LRRC3C: variants seen among roughly 807,000 people sequenced by gnomAD.
LRRC3C encodes leucine rich repeat containing 3C, also known as leucine-rich repeat-containing protein 3C.
A neutral mutation model predicts 14.8 loss-of-function variants in LRRC3C; 11 were observed. The ratio of observed to expected loss-of-function variants is 0.74; its 90% CI spans 0.47 to 1.23. LRRC3C has a LOEUF of 1.23. LRRC3C is among the 50% of genes most tolerant of loss of function. The pLI is 0.00. For synonymous variants in LRRC3C, 149 were observed against 161.5 expected (o/e 0.92, Z 0.59); for missense variants, 354 against 361.8 (o/e 0.98, Z 0.18).
At chr17:39,943,513 C>G (rs751207863) in intron 3 of LRRC3C, among the ~76,000 whole-genome samples, 2 of 152,164 alleles carry the variant, frequency 1.3e-5, no homozygotes, top group Admixed American at 1.3e-4. Flanking sequence ...CTCCATCACG[C>G]GAGTGCCAAC....
At chr17:39,936,615 C>A (rs1978803312) in intron 2 of LRRC3C, among the ~76,000 whole-genome samples, 1 of 141,808 alleles carries the variant, frequency 7.1e-6, no homozygotes, top group Non-Finnish European at 1.5e-5. Flanking sequence ...CCAGCCTGCT[C>A]AATATGACCA....
At position 39,933,080 on chromosome 17, in the gene LRRC3C, GAAGA is replaced by G. The variant is rs1267986417; in HGVS notation, c.-174-2717_-174-2714del. Reference sequence around the variant, plus strand: ...AAAATAAAGAAAGGAAGGAAGGAAGGAAGAAAGACAACAACAAAAAAACCTTGAA... The same window carrying G: ...AAAATAAAGAAAGGAAGGAAGGAAGGAAGACAACAACAAAAAAACCTTGAA... On this transcript the variant is annotated intron_variant, in intron 1 of 3. Coordinates refer to ENST00000377924, the MANE Select transcript of LRRC3C (RefSeq NM_001195545.2). Among the ~76,000 whole-genome samples the G allele has an allele frequency of 9.3e-5, 14 of 149,968 alleles. No homozygotes were observed. In the South Asian group the frequency reaches 2.4e-3, roughly 25 times the overall value.
intron 1 of LRRC3C, among the ~76,000 whole-genome samples, chr17:39,930,279 A>G (rs796809584): frequency 1.1e-4 from 1 of 8,946 alleles, no homozygotes; most frequent in African/African-American, 1.2e-3. Context: ...TCCTGTCTCA[A>G]AAAAAAAAAA....
Position 39,933,833 on chromosome 17 carries a change from G to A in LRRC3C, c.-174-1969G>A, listed in dbSNP as rs1248163730. Among the ~76,000 whole-genome samples, 3 of 152,216 alleles carry A rather than the reference G, an allele frequency of 2.0e-5. No homozygotes were observed. The East Asian group carries it at 5.8e-4, about 29-fold the overall frequency. ...TCCCCTCCTCCCCCACCTGCTTCCT[G>A]AAGGGAGGGTGGTGAGGTCCTGTCC... On this transcript the variant is annotated intron_variant, in intron 1 of 3. Transcript: ENST00000377924.
At chr17:39,942,097 G>T (rs538836770) in intron 3 of LRRC3C, among the ~76,000 whole-genome samples, 1 of 152,344 alleles carries the variant, frequency 6.6e-6, no homozygotes, top group Admixed American at 6.5e-5. Context: ...ACGAGAGGAG[G>T]TGAAGGGGAA....
intron 1 of LRRC3C, among the ~76,000 whole-genome samples, chr17:39,928,942 AG>A (rs1598290249): frequency 6.6e-6 from 1 of 152,186 alleles, no homozygotes; most frequent in African/African-American, 2.4e-5. Flanking sequence ...CAATATTTCC[AG>A]GGCCAATGGC....
chr17:39,935,984 G>C (rs1013416134), intron 2 of LRRC3C, 90 bp downstream of exon 2: 3 of 677,402 alleles, frequency 4.4e-6, no homozygotes, highest in Non-Finnish European at 5.5e-6. Flanking sequence ...CATCCAGGCT[G>C]GACCTGGAGG....
chr17:39,930,032 G>A (rs1373379214), intron 1 of LRRC3C, among the ~76,000 whole-genome samples: 1 of 152,094 alleles, frequency 6.6e-6, no homozygotes, highest in African/African-American at 2.4e-5. Context: ...ACTCACGCCT[G>A]TAATCCCAGC....
At chr17:39,934,520 T>G (rs943877614) in intron 1 of LRRC3C, 2 of 152,160 alleles carry the variant, frequency 1.3e-5, no homozygotes, top group Admixed American at 6.5e-5. Flanking sequence ...TTCCAGGCAC[T>G]GGGCAAAGGG....
chr17:39,935,869 G>C lies in LRRC3C; in HGVS notation c.-107G>C, dbSNP rs2144762054. On this transcript the variant is annotated 5_prime_UTR_variant, in exon 2 of 4. Transcript: ENST00000377924. ...CTGCCCAGTAACCTGGCATTAGACG[G>C]GTCCCTGGCTGACCTGATAAAGAAG... 2.0e-6 allele frequency: 2 copies of C among 985,364 alleles called. No individual in the cohort carries two copies. The highest frequency in any genetic ancestry group is 9.4e-5 in the South Asian group (2 of 21,274). 61.0% of individuals were successfully genotyped at this position (985,364 alleles called of 1,614,324 possible). A position where few individuals can be genotyped will look rare whatever the true frequency, so the allele number is the denominator to read the frequency against.
chr17:39,944,337 C>A lies in LRRC3C; in HGVS notation c.431C>A (p.Pro144His). 1 of 1,535,434 alleles carries A rather than the reference C, an allele frequency of 6.5e-7. No individual in the cohort carries two copies. The highest frequency in any genetic ancestry group is 8.7e-7 in the Non-Finnish European group (1 of 1,146,668). ...TCTGCCAACCAGCTGGCCTCAGTGC[C>A]CGTGGAGGCCTTTGTGGGGCTACAG... The part of the protein sequence containing the change: ...DLSANQLASV[P>H]VEAFVGLQIQ... The change falls in exon 4 of 4, where the codon CCC becomes CAC. Residue 144 changes from proline (P) to histidine (H), a missense_variant. Physicochemically the swap from Pro to His is moderately conservative, Grantham distance 77 (BLOSUM62 -2). Coordinates refer to ENST00000377924, the MANE Select transcript of LRRC3C (RefSeq NM_001195545.2).
At chr17:39,928,456 C>T (rs186779286) in intron 1 of LRRC3C, among the ~76,000 whole-genome samples, 159 of 152,360 alleles carry the variant, frequency 1.0e-3, no homozygotes, top group Non-Finnish European at 2.0e-3. Context: ...ACCCCACCTC[C>T]AAGGTTGTGG....
At position 39,944,459 on chromosome 17, in the gene LRRC3C, A is replaced by G; in HGVS notation, c.553A>G (p.Ile185Val). ...GCTGGTGCCGGGCACTGGGACAGGCATCGTGTGTGGCTCAGGAGCCCGACC... is the reference window on the plus strand; with the variant it reads ...GCTGGTGCCGGGCACTGGGACAGGCGTCGTGTGTGGCTCAGGAGCCCGACC... ...VRLVPGTGTG[I>V]VCGSGARPDL... is the part of the protein sequence containing the mutation. Residue 185 changes from isoleucine (I) to valine (V), a missense_variant, in exon 4 of 4, where the codon ATC becomes GTC. Physicochemically the swap from Ile to Val is conservative, Grantham distance 29. Coordinates refer to ENST00000377924, the MANE Select transcript of LRRC3C (RefSeq NM_001195545.2). 6.7e-7 allele frequency: 1 copy of G among 1,486,730 alleles called. No homozygotes were observed. Among genetic ancestry groups the G allele is most frequent in the Non-Finnish European group, 8.9e-7 (1 of 1,120,558 alleles). The allele number at this position is 1,486,730 out of a possible 1,614,324, so 92.1% of individuals were successfully genotyped here.
intron 2 of LRRC3C, among the ~76,000 whole-genome samples, chr17:39,938,089 G>A (rs1417594427): frequency 1.3e-5 from 2 of 152,134 alleles, no homozygotes; most frequent in South Asian, 2.1e-4. Flanking sequence ...CCGAGATGGT[G>A]CCACTGCACT....
At chr17:39,933,513 T>C (rs1978708112) in intron 1 of LRRC3C, among the ~76,000 whole-genome samples, 2 of 152,238 alleles carry the variant, frequency 1.3e-5, no homozygotes, top group Admixed American at 1.3e-4. Context: ...GGCGGGCAGA[T>C]CACGAGGTCA....
Position 39,944,113 on chromosome 17 carries a change from C to A in LRRC3C, c.207C>A (p.Gly69=). 2.0e-6 allele frequency: 3 copies of A among 1,536,168 alleles called. No individual in the cohort carries two copies. Among genetic ancestry groups the A allele is most frequent in the Non-Finnish European group, 2.6e-6 (3 of 1,146,920 alleles). ...GGACGTTCCGCTGCAGCCAGGCAGG[C>A]CTCAGTGCTGTGCCCTCCGGCATCC... is the stretch of plus-strand genomic sequence containing the variant. ...GERTFRCSQA[G]LSAVPSGIPN... The change falls in exon 4 of 4, where the codon GGC becomes GGA. Residue 69 remains glycine (G), a synonymous_variant. Coordinates refer to ENST00000377924, the MANE Select transcript of LRRC3C (RefSeq NM_001195545.2).
chr17:39,937,289 A>G (rs1328714714), intron 2 of LRRC3C, among the ~76,000 whole-genome samples: 1 of 148,634 alleles, frequency 6.7e-6, no homozygotes, highest in East Asian at 2.0e-4. Context: ...TACAAAAATT[A>G]TCCGGGTGTG....
intron 2 of LRRC3C, among the ~76,000 whole-genome samples, chr17:39,940,457 G>C (rs1978907855): frequency 6.6e-6 from 1 of 152,078 alleles, no homozygotes. Context: ...CTGTCACCCA[G>C]GCTAGAGTGC....
At chr17:39,928,952 G>C (rs73307971) in intron 1 of LRRC3C, among the ~76,000 whole-genome samples, 4,956 of 152,178 alleles carry the variant, frequency 0.033, 291 homozygotes, top group African/African-American at 0.11. Flanking sequence ...AGGGCCAATG[G>C]CCCCAAAAGG....
Sources: gnomAD v4.1 joint callset for allele counts (sites outside exome capture counted in the v4.1 genomes callset) on GRCh38, gnomAD v4.1.1 for gene constraint, MANE v1.5 for transcripts, NCBI Gene and HGNC (gene_info 2026-07-23, HGNC 2026-07-21) for gene names.